The following GRM5 variants were observed in gnomAD, a reference collection of about 807,000 sequenced individuals.
GRM5 encodes glutamate metabotropic receptor 5, also known as metabotropic glutamate receptor 5.
In GRM5, 19 loss-of-function variants were observed where a neutral mutation model predicts 83.1. The observed-to-expected ratio is 0.23, with a 90% CI of 0.16 to 0.34. The LOEUF is 0.34. Among genes scored for constraint, GRM5 ranks in the 10% least tolerant of loss-of-function variants. GRM5 has a pLI of 1.00. For synonymous variants in GRM5, 675 were observed against 633.6 expected (o/e 1.07, Z -0.98); for missense variants, 1,160 against 1,588.3 (o/e 0.73, Z 4.58).
intron 2 of GRM5, among the ~76,000 whole-genome samples, chr11:89,033,148 A>T (rs1008554444): frequency 1.3e-5 from 2 of 152,068 alleles, no homozygotes; most frequent in Non-Finnish European, 2.9e-5. Context: ...TGATTATTCA[A>T]TTGACCATCA....
At chr11:88,878,009 A>C (rs930108560) in intron 2 of GRM5, among the ~76,000 whole-genome samples, 6 of 152,076 alleles carry the variant, frequency 3.9e-5, no homozygotes, top group Admixed American at 1.3e-4. Flanking sequence ...GTATAATAAT[A>C]AAAAAAGAAG....
intron 4 of GRM5, among the ~76,000 whole-genome samples, chr11:88,622,703 A>G (rs1347130117): frequency 6.6e-6 from 1 of 152,076 alleles, no homozygotes; most frequent in South Asian, 2.1e-4. Flanking sequence ...TTGAGCAGCA[A>G]CTGTGTGCCA....
chr11:88,984,916 T>C lies in GRM5; in HGVS notation c.661+62296A>G, dbSNP rs186336999. 102 of 615,264 alleles carry C rather than the reference T, an allele frequency of 1.7e-4. 2 individuals carry two copies. The African/African-American group carries it at 1.7e-3, about 10-fold the overall frequency. The allele number at this position is 615,264 out of a possible 1,614,324, so 38.1% of individuals were successfully genotyped here. Reference sequence around the variant, plus strand: ...ATAAATTTTATGTTGTTATCAATGATATTTTTAAATGCCATTTTAATAATT... The same window carrying C: ...ATAAATTTTATGTTGTTATCAATGACATTTTTAAATGCCATTTTAATAATT... On this transcript the variant is annotated intron_variant, in intron 2 of 9. Transcript: ENST00000305447.
intron 4 of GRM5, among the ~76,000 whole-genome samples, chr11:88,611,701 T>C (rs904400334): frequency 1.3e-5 from 2 of 152,182 alleles, no homozygotes; most frequent in Admixed American, 6.5e-5. Context: ...GATTTTCACA[T>C]CTCAATTTCA....
At chr11:88,718,507 T>C (rs998574438) in intron 3 of GRM5, among the ~76,000 whole-genome samples, 2 of 152,000 alleles carry the variant, frequency 1.3e-5, no homozygotes, top group Non-Finnish European at 2.9e-5. Context: ...TGCAAATGTA[T>C]TCATATATTA....
chr11:88,953,567 C>A (rs1288028492), intron 2 of GRM5, among the ~76,000 whole-genome samples: 1 of 152,164 alleles, frequency 6.6e-6, no homozygotes, highest in Non-Finnish European at 1.5e-5. Flanking sequence ...ACCACATGAG[C>A]CTCCACCTTC....
chr11:88,985,789 T>A (rs1306461292), intron 2 of GRM5, among the ~76,000 whole-genome samples: 1 of 152,116 alleles, frequency 6.6e-6, no homozygotes, highest in Non-Finnish European at 1.5e-5. Context: ...CATCAATCTA[T>A]GTCAAATAGG....
intron 2 of GRM5, among the ~76,000 whole-genome samples, chr11:88,906,309 A>G (rs1168750594): frequency 2.6e-5 from 4 of 152,238 alleles, no homozygotes; most frequent in African/African-American, 9.6e-5. Flanking sequence ...TCCTCAAGTG[A>G]TTTTTCTAGG....
At chr11:88,698,021 T>C (rs1480486151) in intron 3 of GRM5, among the ~76,000 whole-genome samples, 3 of 152,200 alleles carry the variant, frequency 2.0e-5, no homozygotes, top group Admixed American at 1.3e-4. Flanking sequence ...AGTTAATCCA[T>C]GCTATCATCA....
intron 2 of GRM5, among the ~76,000 whole-genome samples, chr11:88,853,893 C>T (rs1407288783): frequency 5.9e-5 from 9 of 151,330 alleles, no homozygotes; most frequent in African/African-American, 9.7e-5. Flanking sequence ...GAAAACTTCA[C>T]GGAAGTTCCT....
chr11:88,791,326 A>G (rs1943168326), intron 3 of GRM5, among the ~76,000 whole-genome samples: 1 of 152,192 alleles, frequency 6.6e-6, no homozygotes, highest in Non-Finnish European at 1.5e-5. Flanking sequence ...TTAGGAGAGA[A>G]TTGTGAGTTG....
chr11:88,906,013 A>G (rs1945396295), intron 2 of GRM5, among the ~76,000 whole-genome samples: 2 of 152,324 alleles, frequency 1.3e-5, no homozygotes, highest in East Asian at 1.9e-4. Flanking sequence ...CTTTAAAATT[A>G]TATTCAAATT....
At chr11:88,686,995 A>G (rs1454085169) in intron 3 of GRM5, among the ~76,000 whole-genome samples, 1 of 152,118 alleles carries the variant, frequency 6.6e-6, no homozygotes, top group African/African-American at 2.4e-5. Context: ...CAGGCTGACT[A>G]GAAATGTTAT....
At chr11:88,809,673 GA>G in intron 3 of GRM5, among the ~76,000 whole-genome samples, 1 of 151,726 alleles carries the variant, frequency 6.6e-6, no homozygotes, top group East Asian at 1.9e-4. Context: ...TATGTACTTT[GA>G]AAACAAGGCA....
intron 2 of GRM5, among the ~76,000 whole-genome samples, chr11:88,956,583 G>A (rs995320310): frequency 4.6e-5 from 7 of 151,376 alleles, no homozygotes; most frequent in Admixed American, 4.6e-4. Context: ...GAGGCGGGCA[G>A]ATCACGAGGT....
chr11:88,645,793 G>A lies in GRM5; in HGVS notation c.1147+7375C>T, dbSNP rs544614021. 7.2e-5 allele frequency among the ~76,000 whole-genome samples: 11 copies of A among 152,122 alleles called. No individual in the cohort carries two copies. In the South Asian group the frequency reaches 1.5e-3, roughly 20 times the overall value. On this transcript the variant is annotated intron_variant, in intron 4 of 9. Transcript: ENST00000305447. Reference sequence around the variant, plus strand: ...ATACTGAAAACAGTAGAACAGAGATGTGAATTCAGGTAACAATGAAAAGGA... The same window carrying A: ...ATACTGAAAACAGTAGAACAGAGATATGAATTCAGGTAACAATGAAAAGGA...
At chr11:88,566,273 T>A (rs1055102713) in intron 8 of GRM5, among the ~76,000 whole-genome samples, 1 of 152,204 alleles carries the variant, frequency 6.6e-6, no homozygotes, top group Non-Finnish European at 1.5e-5. Flanking sequence ...ATCTTGTCTT[T>A]TGAAGTGCTT....
chr11:88,961,604 A>G lies in GRM5; in HGVS notation c.661+85608T>C, dbSNP rs1938786445. ...ATTTAATGAGAAGTATGGGCAAGAT[A>G]TTATCACCTTCTCTCTGCTAATTAA... On this transcript the variant is annotated intron_variant, in intron 2 of 9. Transcript: ENST00000305447. Among the ~76,000 whole-genome samples, 4 of 152,196 alleles carry G rather than the reference A, an allele frequency of 2.6e-5. 1 individual carries two copies. In the South Asian group the frequency reaches 8.3e-4, roughly 31 times the overall value.
intron 2 of GRM5, among the ~76,000 whole-genome samples, chr11:89,036,829 C>T (rs1277509227): frequency 6.6e-6 from 1 of 152,100 alleles, no homozygotes; most frequent in Non-Finnish European, 1.5e-5. Context: ...AGTTATTGCA[C>T]TGTAGGTTAC....
Sources: gnomAD v4.1 joint callset for allele counts (sites outside exome capture counted in the v4.1 genomes callset) on GRCh38, gnomAD v4.1.1 for gene constraint, MANE v1.5 for transcripts, NCBI Gene and HGNC (gene_info 2026-07-23, HGNC 2026-07-21) for gene names.